The following FIGN variants were observed in gnomAD, a reference collection of about 807,000 sequenced individuals.
FIGN encodes the protein fidgetin, microtubule severing factor.
In FIGN, 11 loss-of-function variants were observed where a neutral mutation model predicts 51.3. The ratio of observed to expected loss-of-function variants is 0.21; its 90% confidence interval spans 0.13 to 0.35. The LOEUF is 0.35. Among genes scored for constraint, FIGN ranks in the 10% least tolerant of loss-of-function variants. The probability of loss-of-function intolerance (pLI) is 1.00; values close to 1 mark genes in which losing one functional copy is unlikely to be tolerated. For synonymous variants in FIGN, 407 were observed against 363.2 expected (o/e 1.12, Z -1.37); for missense variants, 857 against 943.6 (o/e 0.91, Z 1.20).
At chr2:163,667,366 T>C (rs919592788) in intron 2 of FIGN, among the ~76,000 whole-genome samples, 10 of 147,790 alleles carry the variant, frequency 6.8e-5, no homozygotes, top group Non-Finnish European at 1.0e-4. Flanking sequence ...TTTTCTAAAA[T>C]AAAAATGTAA....
intron 2 of FIGN, among the ~76,000 whole-genome samples, chr2:163,721,072 G>T (rs915802637): frequency 1.3e-5 from 2 of 152,084 alleles, no homozygotes; most frequent in African/African-American, 4.8e-5. Context: ...TTTTAACCAT[G>T]GTTCATACTT....
chr2:163,704,185 G>A (rs548198053), intron 2 of FIGN, among the ~76,000 whole-genome samples: 1 of 152,248 alleles, frequency 6.6e-6, no homozygotes, highest in African/African-American at 2.4e-5. Context: ...GAAGGGTACA[G>A]TAATATGCTT....
intron 2 of FIGN, among the ~76,000 whole-genome samples, chr2:163,635,561 C>A (rs139977112): frequency 6.6e-6 from 1 of 152,170 alleles, no homozygotes; most frequent in East Asian, 1.9e-4. Context: ...GAGTGAGATC[C>A]TTTTTCAAAA....
At chr2:163,731,141 G>A (rs765153862) in intron 2 of FIGN, among the ~76,000 whole-genome samples, 5 of 152,116 alleles carry the variant, frequency 3.3e-5, no homozygotes, top group Admixed American at 1.3e-4. Context: ...GGAAGTATTA[G>A]CATGGCTGTC....
In FIGN at chr2:163,605,673, C is replaced by A. The variant is rs1335422511; in HGVS notation, c.*3879G>T. 2.6e-5 allele frequency: 4 copies of A among 151,698 alleles called. No individual in the cohort carries two copies. Among genetic ancestry groups the A allele is most frequent in the African/African-American group, 9.7e-5 (4 of 41,306 alleles). The allele number at this position is 151,698 out of a possible 1,614,324, so 9.4% of individuals were successfully genotyped here. On this transcript the variant is annotated 3_prime_UTR_variant, in exon 3 of 3. Transcript: ENST00000333129. ...ATATATTAGAACTTTACTTTAGTGG[C>A]CTCAATAGTTCAACAAGCTGCGTCC...
At chr2:163,685,245 A>G (rs1684128780) in intron 2 of FIGN, among the ~76,000 whole-genome samples, 1 of 152,156 alleles carries the variant, frequency 6.6e-6, no homozygotes, top group Admixed American at 6.5e-5. Context: ...AGAATCAGAA[A>G]TATTTTTCAA....
chr2:163,627,914 G>T (rs1445705895), intron 2 of FIGN, among the ~76,000 whole-genome samples: 1 of 152,068 alleles, frequency 6.6e-6, no homozygotes, highest in Non-Finnish European at 1.5e-5. Context: ...TCTCTTCCCT[G>T]CTGTCAAGTA....
chr2:163,679,066 T>C (rs1290729986), intron 2 of FIGN, among the ~76,000 whole-genome samples: 1 of 152,178 alleles, frequency 6.6e-6, no homozygotes, highest in African/African-American at 2.4e-5. Context: ...GCAATGGCAA[T>C]TGAATAATTG....
rs61516823 is a variant in FIGN, at chr2:163,730,985, G to A, written c.25+3918C>T. Among the ~76,000 whole-genome samples, 1,331 of 152,134 alleles carry A rather than the reference G, an allele frequency of 8.7e-3. 22 individuals are homozygous for A. Among genetic ancestry groups the A allele is most frequent in the African/African-American group, 0.031 (1,274 of 41,500 alleles). ...ACCTTTCTATTTCTATTAAACCAAG[G>A]TTCTAAGAACTAGAAAGTTCAAACC... On this transcript the variant is annotated intron_variant, in intron 2 of 2. Coordinates refer to ENST00000333129, the MANE Select transcript of FIGN (RefSeq NM_018086.4).
chr2:163,726,830 G>A (rs993553936), intron 2 of FIGN, among the ~76,000 whole-genome samples: 3 of 152,008 alleles, frequency 2.0e-5, no homozygotes, highest in East Asian at 1.9e-4. Context: ...ATTATCTATA[G>A]CCTTATTTCT....
chr2:163,715,418 C>T (rs1394510509), intron 2 of FIGN, among the ~76,000 whole-genome samples: 1 of 152,082 alleles, frequency 6.6e-6, no homozygotes, highest in Non-Finnish European at 1.5e-5. Context: ...GACGCCTGTC[C>T]CCTGGGGAAG....
chr2:163,729,696 G>A (rs1304878359), intron 2 of FIGN, among the ~76,000 whole-genome samples: 4 of 152,126 alleles, frequency 2.6e-5, no homozygotes. Flanking sequence ...AGATGTAACA[G>A]TTTCAAAAAT....
intron 2 of FIGN, among the ~76,000 whole-genome samples, chr2:163,679,491 G>A (rs1196379833): frequency 2.4e-5 from 3 of 126,048 alleles, no homozygotes; most frequent in Admixed American, 7.3e-5. Flanking sequence ...GCGAGACTCC[G>A]TCTCAAAAAA....
intron 2 of FIGN, among the ~76,000 whole-genome samples, chr2:163,707,280 T>G (rs1247750570): frequency 6.6e-6 from 1 of 151,388 alleles, no homozygotes; most frequent in Non-Finnish European, 1.5e-5. Flanking sequence ...ATCCAGGAGG[T>G]GGAGGTTGCA....
chr2:163,612,758 A>C (rs1558995885), intron 2 of FIGN, among the ~76,000 whole-genome samples: 1 of 142,438 alleles, frequency 7.0e-6, no homozygotes, highest in African/African-American at 2.7e-5. Context: ...TCATATATAT[A>C]TATATATATA....
intron 2 of FIGN, among the ~76,000 whole-genome samples, chr2:163,705,799 C>T (rs1684490764): frequency 6.6e-6 from 1 of 151,894 alleles, no homozygotes; most frequent in Admixed American, 6.6e-5. Context: ...ACACTGTATA[C>T]ATGTTTGTTT....
At chr2:163,725,136 C>T (rs1376931183) in intron 2 of FIGN, among the ~76,000 whole-genome samples, 2 of 152,090 alleles carry the variant, frequency 1.3e-5, no homozygotes, top group African/African-American at 2.4e-5. Flanking sequence ...CTAATATTAT[C>T]CTCTTAATTA....
intron 2 of FIGN, among the ~76,000 whole-genome samples, 189 bp from the exon 3 acceptor site, chr2:163,611,995 A>C (rs375799242): frequency 9.4e-4 from 143 of 152,350 alleles, no homozygotes; most frequent in African/African-American, 3.3e-3. Context: ...ACTAAACTTC[A>C]GCCCTGTTTA....
intron 2 of FIGN, among the ~76,000 whole-genome samples, chr2:163,727,759 C>G (rs1226668893): frequency 6.6e-6 from 1 of 152,152 alleles, no homozygotes; most frequent in Non-Finnish European, 1.5e-5. Flanking sequence ...GGTGCAACTT[C>G]AAGTGCACTC....
Sources: gnomAD v4.1 joint callset for allele counts (sites outside exome capture counted in the v4.1 genomes callset) on GRCh38, gnomAD v4.1.1 for gene constraint, MANE v1.5 for transcripts, NCBI Gene and HGNC (gene_info 2026-07-23, HGNC 2026-07-21) for gene names.